ARHGEF2: variants seen among roughly 807,000 people sequenced by gnomAD.
The protein encoded by ARHGEF2 is Rho/Rac guanine nucleotide exchange factor 2, also known as rho guanine nucleotide exchange factor 2.
ARHGEF2 carries 22 observed loss-of-function variants against 121.0 expected under a neutral mutation model. That is an observed-to-expected ratio of 0.18 (90% confidence interval 0.13 to 0.26). The LOEUF (loss-of-function observed/expected upper bound fraction) is 0.26, where lower values mean the gene tolerates loss of function less well. ARHGEF2 is among the 10% of genes least tolerant of loss of function. The pLI is 1.00. For missense variants in ARHGEF2, 907 were observed against 1,336.0 expected (o/e 0.68, Z 5.01); for synonymous variants, 487 against 530.0 (o/e 0.92, Z 1.11).
chr1:155,978,225 T>C lies in ARHGEF2; in HGVS notation c.63+140A>G, dbSNP rs897642485. On this transcript the variant is annotated intron_variant, in intron 1 of 21. Transcript: ENST00000361247. The surrounding 1 kb of genome is among the most constrained non-coding windows in gnomAD (Gnocchi z 4.1). ...TCGCTCGCAGTCCCCACCCACCCCG[T>C]CCCGCCGCTCGCCGATCCACCGCTC... The C allele has an allele frequency of 4.0e-5, 47 of 1,163,920 alleles. No homozygotes were observed. The Middle Eastern group carries it at 1.1e-3, about 27-fold the overall frequency. 72.1% of individuals were successfully genotyped at this position (1,163,920 alleles called of 1,614,324 possible).
chr1:155,958,576 T>G (rs1160652774), intron 11 of ARHGEF2, among the ~76,000 whole-genome samples, 180 bp from the exon 12 acceptor site: 1 of 146,338 alleles, frequency 6.8e-6, no homozygotes, highest in East Asian at 2.0e-4. Context: ...CCCATTCTAT[T>G]TTTTTTTTTT....
At chr1:155,967,312 C>T (rs1679611852) in intron 2 of ARHGEF2, among the ~76,000 whole-genome samples, 1 of 152,160 alleles carries the variant, frequency 6.6e-6, no homozygotes, top group East Asian at 1.9e-4. Context: ...GGGAAATTTA[C>T]ATTCCCTGAG....
Position 155,978,450 on chromosome 1 carries a change from G to T in ARHGEF2, c.-23C>A. 6.8e-7 allele frequency: 1 copy of T among 1,465,268 alleles called. No individual in the cohort carries two copies. The highest frequency in any genetic ancestry group is 9.2e-7 in the Non-Finnish European group (1 of 1,092,558). 90.8% of individuals were successfully genotyped at this position (1,465,268 alleles called of 1,614,324 possible). On this transcript the variant is annotated 5_prime_UTR_variant, in exon 1 of 22. Coordinates refer to ENST00000361247, the MANE Select transcript of ARHGEF2 (RefSeq NM_001162383.2). The surrounding 1 kb of genome is among the most constrained non-coding windows in gnomAD (Gnocchi z 4.1). Reference sequence around the variant, plus strand: ...CATAATCGGACGGGGGGACCAGGGAGGACGCGGCGCGGACCCCGGCGTCCT... The same window carrying T: ...CATAATCGGACGGGGGGACCAGGGATGACGCGGCGCGGACCCCGGCGTCCT...
rs370898952 is a variant in ARHGEF2, at chr1:155,966,988, G to A, written c.209-101C>T. The A allele has an allele frequency of 1.2e-4, 135 of 1,151,238 alleles. No homozygotes were observed. The East Asian group carries it at 2.5e-3, about 21-fold the overall frequency. The allele number at this position is 1,151,238 out of a possible 1,614,324, so 71.3% of individuals were successfully genotyped here. A position where few individuals can be genotyped will look rare whatever the true frequency, so the allele number is the denominator to read the frequency against. On this transcript the variant is annotated intron_variant, in intron 2 of 21. Coordinates refer to ENST00000361247, the MANE Select transcript of ARHGEF2 (RefSeq NM_001162383.2). ...ATCTCCTCCTGGCCACACAGTCCTCGGGGACTCTCCCCCCTTCCCCGACTT... is the reference window on the plus strand; with the variant it reads ...ATCTCCTCCTGGCCACACAGTCCTCAGGGACTCTCCCCCCTTCCCCGACTT...
At position 155,966,468 on chromosome 1, in the gene ARHGEF2, C is replaced by T. The variant is rs372878297; in HGVS notation, c.288G>A (p.Ala96=). The T allele has an allele frequency of 9.6e-5, 155 of 1,613,986 alleles. No individual in the cohort carries two copies. Among genetic ancestry groups the T allele is most frequent in the South Asian group, 1.2e-4 (11 of 91,088 alleles). Residue 96 remains alanine, a synonymous_variant, in exon 4 of 22, where the codon GCG becomes GCA. Coordinates refer to ENST00000361247, the MANE Select transcript of ARHGEF2 (RefSeq NM_001162383.2). Reference sequence around the variant, plus strand: ...AGGCGGTGTTGTTCTTCAGCAGGGCCGCTTTCTGTTGCTGTGAGACAGAGA... The same window carrying T: ...AGGCGGTGTTGTTCTTCAGCAGGGCTGCTTTCTGTTGCTGTGAGACAGAGA... ...CTKVKQKQQK[A]ALLKNNTALQ...
Position 155,950,278 on chromosome 1 carries a change from A to G in ARHGEF2, c.2887+21T>C. On this transcript the variant is annotated intron_variant, in intron 21 of 21. Coordinates refer to ENST00000361247, the MANE Select transcript of ARHGEF2 (RefSeq NM_001162383.2). The surrounding 1 kb of genome is among the most constrained non-coding windows in gnomAD (Gnocchi z 5.2). The stretch of plus-strand genomic sequence containing the variant: ...CCAGGCTGCACTCTACCTCTGGTCC[A>G]TGTCTCCGCCAGGGTCTCACCTCGT... The G allele has an allele frequency of 1.9e-6, 3 of 1,609,558 alleles. No homozygotes were observed. Among genetic ancestry groups the G allele is most frequent in the Non-Finnish European group, 2.5e-6 (3 of 1,179,626 alleles).
chr1:155,968,886 T>G (rs1572173166), intron 2 of ARHGEF2: 6 of 338,520 alleles, frequency 1.8e-5, no homozygotes, highest in Admixed American at 5.0e-5. Context: ...GCAAGGGGGG[T>G]GCCTGGTGGA....
chr1:155,954,763 G>A, intron 14 of ARHGEF2, 139 bp downstream of exon 14: 1 of 755,898 alleles, frequency 1.3e-6, no homozygotes, highest in East Asian at 2.7e-5. Flanking sequence ...TTTAAACCTT[G>A]CTTTTTTCAC....
intron 1 of ARHGEF2, among the ~76,000 whole-genome samples, chr1:155,977,858 G>T (rs1193869360): frequency 6.6e-6 from 1 of 152,200 alleles, no homozygotes; most frequent in African/African-American, 2.4e-5. Flanking sequence ...GGTGGTGGTG[G>T]TGGGAGGAAG....
In ARHGEF2 at chr1:155,963,056, G is replaced by A. The variant is rs147593376; in HGVS notation, c.852C>T (p.Asp284=). The change falls in exon 8 of 22, where the codon GAC becomes GAT. Residue 284 remains aspartate, a synonymous_variant. Transcript: ENST00000361247. ...AGCGTGTATGGATGTCACTGAGCTC[G>A]TCCACGCAGGGGAACAGGCCCTGGA... ...GVVQGLFPCV[D]ELSDIHTRFL... 3.4e-3 allele frequency: 5,419 copies of A among 1,614,108 alleles called. 20 individuals carry two copies. Among genetic ancestry groups the A allele is most frequent in the Non-Finnish European group, 4.4e-3 (5,194 of 1,180,028 alleles).
intron 7 of ARHGEF2, among the ~76,000 whole-genome samples, chr1:155,964,017 C>T (rs940374262): frequency 6.7e-6 from 1 of 150,148 alleles, no homozygotes; most frequent in Non-Finnish European, 1.5e-5. Context: ...TAGTTGTAGG[C>T]GCCTGTAATC....
chr1:155,954,468 T>C (rs1676236256), intron 14 of ARHGEF2, among the ~76,000 whole-genome samples: 1 of 146,966 alleles, frequency 6.8e-6, no homozygotes. Flanking sequence ...TTTGTATTTT[T>C]TAGTAGAGAC....
Position 155,957,898 on chromosome 1 carries a change from A to C in ARHGEF2, c.1546-16T>G. On this transcript the variant is annotated splice_polypyrimidine_tract_variant and intron_variant, in intron 12 of 21. Transcript: ENST00000361247. ...AAGGCTTGTCCTGCCAGTCAGGGGA[A>C]AGGAAGGATTAAGCCTGGGAATCCT... is the stretch of plus-strand genomic sequence containing the variant. The C allele has an allele frequency of 1.2e-6, 2 of 1,611,846 alleles. No homozygotes were observed. The highest frequency in any genetic ancestry group is 8.5e-7 in the Non-Finnish European group (1 of 1,178,738).
In ARHGEF2 at chr1:155,951,608, G is replaced by A; in HGVS notation, c.2209-75C>T. The A allele has an allele frequency of 6.2e-7, 1 of 1,608,982 alleles. No homozygotes were observed. Among genetic ancestry groups the A allele is most frequent in the Non-Finnish European group, 8.5e-7 (1 of 1,175,394 alleles). On this transcript the variant is annotated intron_variant, in intron 18 of 21. Transcript: ENST00000361247. The surrounding 1 kb of genome is among the most constrained non-coding windows in gnomAD (Gnocchi z 5.1). The stretch of plus-strand genomic sequence containing the variant: ...CTGCCCAAAAGTTGAACAAGGGTGG[G>A]TGTGGGGACAGTAGGATCCGGAGAC...
In ARHGEF2 at chr1:155,962,204, C is replaced by T. The variant is rs770487059; in HGVS notation, c.1120G>A (p.Val374Met). Residue 374 changes from valine to methionine, a missense_variant, in exon 10 of 22, where the codon GTG (valine) becomes ATG (methionine). Val to Met is a conservative substitution (Grantham distance 21, BLOSUM62 1). This residue lies in a region of ARHGEF2 where 475 missense variants were observed against 776.5 expected (regional missense o/e 0.61). Coordinates refer to ENST00000361247, the MANE Select transcript of ARHGEF2 (RefSeq NM_001162383.2). The surrounding 1 kb of genome is among the most constrained non-coding windows in gnomAD (Gnocchi z 5.8). ...TCCTGTACCCCGTGCCGCTTGAGCA[C>T]GGCGGGGCGGGTCACTTTCTACAAG... ...QFIRKVTRPA[V>M]LKRHGVQECI... is the part of the protein sequence containing the mutation. 8.7e-6 allele frequency: 14 copies of T among 1,613,948 alleles called. No individual in the cohort carries two copies. Among genetic ancestry groups the T allele is most frequent in the African/African-American group, 5.3e-5 (4 of 74,920 alleles).
At chr1:155,976,948 T>C (rs1437061706) in intron 1 of ARHGEF2, among the ~76,000 whole-genome samples, 4 of 152,052 alleles carry the variant, frequency 2.6e-5, no homozygotes, top group African/African-American at 9.7e-5. Context: ...GGAAAGTCCT[T>C]TTAAAGCTGC....
In ARHGEF2 at chr1:155,965,863, C is replaced by T. The variant is rs1258403588; in HGVS notation, c.341-103G>A. 7.4e-7 allele frequency: 1 copy of T among 1,351,890 alleles called. No homozygotes were observed. 83.7% of individuals were successfully genotyped at this position (1,351,890 alleles called of 1,614,324 possible). On this transcript the variant is annotated intron_variant, in intron 4 of 21. Transcript: ENST00000361247. This position sits in a 1 kb window ranked among gnomAD's most constrained non-coding sequence, Gnocchi z 6.0. ...TGAGGAATGAGGCATCCTCTCACTC[C>T]ACCTCAGCCCCTCTAGTCAAGAAAG...
Position 155,951,340 on chromosome 1 carries a change from C to A in ARHGEF2, c.2260-68G>T. 1 of 1,563,308 alleles carries A rather than the reference C, an allele frequency of 6.4e-7. No individual in the cohort carries two copies. The highest frequency in any genetic ancestry group is 8.7e-7 in the Non-Finnish European group (1 of 1,147,566). ...TGCTCTTCTACCCCTCGCCTTCACC[C>A]TCCAAGGCCCAGATCATCGCTCCTG... On this transcript the variant is annotated intron_variant, in intron 19 of 21. Coordinates refer to ENST00000361247, the MANE Select transcript of ARHGEF2 (RefSeq NM_001162383.2). This position sits in a 1 kb window ranked among gnomAD's most constrained non-coding sequence, Gnocchi z 5.1.
At chr1:155,964,195 T>TAC (rs1558031605) in intron 7 of ARHGEF2, among the ~76,000 whole-genome samples, 8 of 121,422 alleles carry the variant, frequency 6.6e-5, no homozygotes, top group Non-Finnish European at 1.2e-4. Flanking sequence ...TATATATATA[T>TAC]ATACATATAT....
Sources: gnomAD v4.1 joint callset for allele counts (sites outside exome capture counted in the v4.1 genomes callset) on GRCh38, gnomAD v4.1.1 for gene constraint, gnomAD v4.1.1 regional missense constraint, Gnocchi (gnomAD v3.1) non-coding constraint, MANE v1.5 for transcripts, NCBI Gene and HGNC (gene_info 2026-07-23, HGNC 2026-07-21) for gene names.